Variants in FGD5 observed in about 807,000 individuals in gnomAD.
FGD5 encodes the protein FYVE, RhoGEF and PH domain containing 5, also known as FYVE, RhoGEF and PH domain-containing protein 5.
Under a neutral mutation model 133.4 loss-of-function variants are expected in FGD5, and 28 were observed. The observed-to-expected ratio is 0.21, with a 90% confidence interval of 0.16 to 0.29. The LOEUF (loss-of-function observed/expected upper bound fraction) is 0.29, where lower values mean the gene tolerates loss of function less well. Among genes scored for constraint, FGD5 ranks in the 10% least tolerant of loss-of-function variants. FGD5 has a pLI of 1.00. For missense variants in FGD5, 1,858 were observed against 1,895.2 expected (o/e 0.98, Z 0.36); for synonymous variants, 810 against 776.5 (o/e 1.04, Z -0.72).
chr3:14,817,538 T>G (rs915471985), upstream of FGD5, among the ~76,000 whole-genome samples: 1 of 152,228 alleles, frequency 6.6e-6, no homozygotes, highest in Non-Finnish European at 1.5e-5. Context: ...AATTTAAAAT[T>G]GCCTATGTAG....
intron 18 of FGD5, among the ~76,000 whole-genome samples, chr3:14,927,975 C>G (rs527611687): frequency 1.9e-4 from 29 of 149,444 alleles, no homozygotes; most frequent in Non-Finnish European, 3.1e-4. Context: ...TGGAGACTCA[C>G]TCTGTCACCA....
intron 1 of FGD5, among the ~76,000 whole-genome samples, chr3:14,858,355 G>GTGGATGGATGGATGGA (rs61642170): frequency 2.4e-4 from 32 of 130,972 alleles, no homozygotes; most frequent in Middle Eastern, 3.8e-3. Context: ...GGGTGGGTGG[G>GTGGATGGATGGATGGA]TGGATGGATG....
At chr3:14,931,339 T>C (rs1323343088) in intron 18 of FGD5, 1 of 152,198 alleles carries the variant, frequency 6.6e-6, no homozygotes, top group African/African-American at 2.4e-5. Context: ...TCCTTTTATT[T>C]TAAAAAAATA....
chr3:14,829,997 C>T (rs1330773754), intron 1 of FGD5, among the ~76,000 whole-genome samples: 3 of 152,184 alleles, frequency 2.0e-5, no homozygotes, highest in Non-Finnish European at 2.9e-5. Context: ...TATCAATGCT[C>T]GGTGGGAATG....
At chr3:14,906,959 C>T (rs2038353224) in intron 9 of FGD5, among the ~76,000 whole-genome samples, 1 of 152,218 alleles carries the variant, frequency 6.6e-6, no homozygotes, top group Non-Finnish European at 1.5e-5. Context: ...AATGGAACCA[C>T]AATTACTCAT....
chr3:14,842,047 T>C (rs761722898), intron 1 of FGD5, among the ~76,000 whole-genome samples: 11 of 152,212 alleles, frequency 7.2e-5, no homozygotes, highest in Admixed American at 1.3e-4. Context: ...GCTGCAGCTT[T>C]CTGGGACCCA....
chr3:14,813,231 C>T (rs1013051465), intron 1 of FGD5, among the ~76,000 whole-genome samples: 2 of 152,154 alleles, frequency 1.3e-5, no homozygotes, highest in Non-Finnish European at 2.9e-5. Flanking sequence ...GAAACTGAGG[C>T]TCAGAGAGGC....
At chr3:14,867,775 T>C (rs574766153) in intron 2 of FGD5, among the ~76,000 whole-genome samples, 157 of 152,300 alleles carry the variant, frequency 1.0e-3, no homozygotes, top group Non-Finnish European at 2.0e-3. Context: ...ATTCAGTTTC[T>C]CCAAAAGGCA....
chr3:14,828,548 T>C (rs982285502), intron 1 of FGD5, among the ~76,000 whole-genome samples: 10 of 152,290 alleles, frequency 6.6e-5, no homozygotes, highest in African/African-American at 2.4e-4. Context: ...AGTGTAACAG[T>C]AGGACATTGT....
At chr3:14,913,927 T>C (rs1352073674) in intron 11 of FGD5, among the ~76,000 whole-genome samples, 2 of 151,804 alleles carry the variant, frequency 1.3e-5, no homozygotes. Flanking sequence ...CTAGCCCTGC[T>C]TCTCTTCTTC....
At chr3:14,850,414 C>A (rs1318866604) in intron 1 of FGD5, among the ~76,000 whole-genome samples, 1 of 152,200 alleles carries the variant, frequency 6.6e-6, no homozygotes, top group Admixed American at 6.5e-5. Flanking sequence ...CGTTTGTCTC[C>A]TAATACTTGT....
intron 12 of FGD5, among the ~76,000 whole-genome samples, chr3:14,918,270 G>T (rs17040563): frequency 2.0e-5 from 3 of 152,220 alleles, no homozygotes; most frequent in African/African-American, 7.2e-5. Context: ...AGCCGCAGGC[G>T]GTTGTCATTG....
rs765815395 is a variant in FGD5 at position 14,921,991 on chromosome 3, C to T, written c.3643C>T (p.Leu1215=). The T allele has an allele frequency of 2.6e-6, 4 of 1,565,538 alleles. No individual in the cohort carries two copies. In the Admixed American group the frequency reaches 5.7e-5, roughly 22 times the overall value. ...ALPEDYKAQA[L]AAFHHSVEIR... is the part of the protein sequence containing the mutation. Reference sequence around the variant, plus strand: ...CCCTGAGGACTACAAGGCCCAGGCGCTGGCTGCATTCCACCATAGCGTGGA... The same window carrying T: ...CCCTGAGGACTACAAGGCCCAGGCGTTGGCTGCATTCCACCATAGCGTGGA... Residue 1215 remains leucine (L), a synonymous_variant, in exon 14 of 20, where the codon CTG becomes TTG. Transcript: ENST00000285046.
At position 14,819,809 on chromosome 3, in the gene FGD5, T is replaced by C; in HGVS notation, c.738T>C (p.Ala246=). ...DRPTEDMGQD[A]EDTSEEPPEK... Reference sequence around the variant, plus strand: ...CCACGGAGGACATGGGACAGGATGCTGAGGACACCAGTGAGGAGCCCCCTG... The same window carrying C: ...CCACGGAGGACATGGGACAGGATGCCGAGGACACCAGTGAGGAGCCCCCTG... Residue 246 remains alanine, a synonymous_variant, in exon 1 of 20, where the codon GCT becomes GCC. Transcript: ENST00000285046. The surrounding 1 kb of genome is among the most constrained non-coding windows in gnomAD (Gnocchi z 4.1). 1 of 1,590,428 alleles carries C rather than the reference T, an allele frequency of 6.3e-7. No individual in the cohort carries two copies. The highest frequency in any genetic ancestry group is 1.1e-5 in the South Asian group (1 of 87,702).
At chr3:14,932,530 T>G in intron 18 of FGD5, 47 bp from the exon 19 acceptor site, 1 of 1,588,848 alleles carries the variant, frequency 6.3e-7, no homozygotes, top group Non-Finnish European at 8.6e-7. Flanking sequence ...TAAATGACTA[T>G]GCAGAGTGTG....
chr3:14,827,581 A>G (rs979261519), intron 1 of FGD5, among the ~76,000 whole-genome samples: 3 of 152,100 alleles, frequency 2.0e-5, no homozygotes, highest in African/African-American at 2.4e-5. Flanking sequence ...AAGTGTTAAC[A>G]TTGCTTATTG....
At chr3:14,858,978 C>T (rs940652369) in intron 1 of FGD5, among the ~76,000 whole-genome samples, 5 of 152,194 alleles carry the variant, frequency 3.3e-5, no homozygotes, top group African/African-American at 1.2e-4. Context: ...GTTTATTTTA[C>T]TGCTAACTTC....
chr3:14,824,765 C>T (rs776440482), intron 1 of FGD5, among the ~76,000 whole-genome samples: 13 of 152,124 alleles, frequency 8.5e-5, no homozygotes, highest in African/African-American at 2.7e-4. Flanking sequence ...GTAATGGAAA[C>T]TTTTTCTCAC....
chr3:14,819,922 G>T lies in FGD5; in HGVS notation c.851G>T (p.Gly284Val). The change falls in exon 1 of 20, where the codon GGT (glycine) becomes GTT (valine). Residue 284 changes from glycine (G) to valine (V), a missense_variant. By Grantham distance (109) the Gly-to-Val change is moderately radical. This residue lies in a region of FGD5 where 1,824 missense variants were observed against 1,848.9 expected (regional missense o/e 0.99). Coordinates refer to ENST00000285046, the MANE Select transcript of FGD5 (RefSeq NM_152536.4). The surrounding 1 kb of genome is among the most constrained non-coding windows in gnomAD (Gnocchi z 4.1). ...GAGGAGGGATGTGAAGAGGCCACGG[G>T]TGTCACAGGTGGGGAACAGGTTGAC... ...VLEEGCEEAT[G>V]VTGGEQVDLS... 1 of 1,613,936 alleles carries T rather than the reference G, an allele frequency of 6.2e-7. No homozygotes were observed. The highest frequency in any genetic ancestry group is 1.3e-5 in the African/African-American group (1 of 75,046).
Sources: gnomAD v4.1 joint callset for allele counts (sites outside exome capture counted in the v4.1 genomes callset) on GRCh38, gnomAD v4.1.1 for gene constraint, gnomAD v4.1.1 regional missense constraint, Gnocchi (gnomAD v3.1) non-coding constraint, MANE v1.5 for transcripts, NCBI Gene and HGNC (gene_info 2026-07-23, HGNC 2026-07-21) for gene names.